RBBP8: variants seen among roughly 807,000 people sequenced by gnomAD.
RBBP8 encodes DNA endonuclease RBBP8.
Under a neutral mutation model 108.3 loss-of-function variants are expected in RBBP8, and 88 were observed. The ratio of observed to expected loss-of-function variants is 0.81; its 90% CI spans 0.68 to 0.97. RBBP8 has a LOEUF of 0.97. Ranked by LOEUF, RBBP8 falls within the 50% of genes least tolerant of loss-of-function variation. The probability of loss-of-function intolerance (pLI) is 0.00; values close to 1 mark genes in which losing one functional copy is unlikely to be tolerated. For missense variants in RBBP8, 1,023 were observed against 1,049.0 expected (o/e 0.98, Z 0.34); for synonymous variants, 332 against 348.2 (o/e 0.95, Z 0.52).
At position 22,949,630 on chromosome 18, in the gene RBBP8, A is replaced by G. The variant is rs1387789879; in HGVS notation, c.165A>G (p.Arg55=). The G allele has an allele frequency of 6.2e-7, 1 of 1,611,120 alleles. No homozygotes were observed. Among genetic ancestry groups the G allele is most frequent in the Admixed American group, 1.7e-5 (1 of 60,016 alleles). ...LKQERILDAQ[R]LEEFFTKNQQ... is the part of the protein sequence containing the mutation. ...TTTTGACCTTTAGAGATGCACAAAG[A>G]CTAGAAGAATTCTTCACCAAAAATC... is the stretch of plus-strand genomic sequence containing the variant. The change falls in exon 4 of 19, where the codon AGA becomes AGG. Residue 55 remains arginine (R), a synonymous_variant. Coordinates refer to ENST00000327155, the MANE Select transcript of RBBP8 (RefSeq NM_002894.3).
chr18:22,928,289 TA>T (rs1184026443), intron 3 of RBBP8, among the ~76,000 whole-genome samples: 2 of 151,402 alleles, frequency 1.3e-5, no homozygotes, highest in Non-Finnish European at 2.9e-5. Flanking sequence ...AACACAAAAA[TA>T]ATTACAATAT....
chr18:22,921,365 C>A (rs1238309615), intron 3 of RBBP8, among the ~76,000 whole-genome samples: 1 of 152,182 alleles, frequency 6.6e-6, no homozygotes, highest in African/African-American at 2.4e-5. Context: ...CTTCTGACTT[C>A]CATCAGTTAA....
chr18:22,937,038 C>G, intron 2 of RBBP8, 78 bp downstream of exon 2: 1 of 1,586,834 alleles, frequency 6.3e-7, no homozygotes, highest in Non-Finnish European at 8.6e-7. Context: ...TATGACAGTC[C>G]TGTTTATTAT....
rs192950559 is a variant in RBBP8 at position 22,968,123 on chromosome 18, A to G, written c.249-683A>G. ...AGTCTTGCTCTGTCCCCCAGGCTGG[A>G]GTGCAGTGGCATGATCTCAGCTCAC... On this transcript the variant is annotated intron_variant, in intron 4 of 18. Coordinates refer to ENST00000327155, the MANE Select transcript of RBBP8 (RefSeq NM_002894.3). Among the ~76,000 whole-genome samples, 800 of 150,658 alleles carry G rather than the reference A, an allele frequency of 5.3e-3. 4 individuals carry two copies. Among genetic ancestry groups the G allele is most frequent in the African/African-American group, 0.019 (772 of 40,834 alleles).
chr18:22,999,167 G>C (rs2144733350), intron 14 of RBBP8, among the ~76,000 whole-genome samples: 2 of 152,352 alleles, frequency 1.3e-5, no homozygotes, highest in South Asian at 4.1e-4. Context: ...CTAATAAAGT[G>C]CTATGGATAG....
intron 16 of RBBP8, among the ~76,000 whole-genome samples, chr18:23,012,231 A>AAAAAAAAAAAAAAAAC (rs2046180596): frequency 6.6e-6 from 1 of 150,442 alleles, no homozygotes. Context: ...AAAAAAAAAA[A>AAAAAAAAAAAAAAAAC]CCAACTATGA....
rs551219716 is a variant in RBBP8 at position 22,996,366 on chromosome 18, T to C, written c.1940-8T>C. 2 of 1,613,254 alleles carry C rather than the reference T, an allele frequency of 1.2e-6. No homozygotes were observed. Among genetic ancestry groups the C allele is most frequent in the Admixed American group, 1.7e-5 (1 of 60,010 alleles). On this transcript the variant is annotated splice_polypyrimidine_tract_variant and splice_region_variant and intron_variant, in intron 12 of 18. Coordinates refer to ENST00000327155, the MANE Select transcript of RBBP8 (RefSeq NM_002894.3). Reference sequence around the variant, plus strand: ...TTTTTAATTGCATGCTCTTTCCCTTTACCTAAGATGTATCCTTTGAAAATA... The same window carrying C: ...TTTTTAATTGCATGCTCTTTCCCTTCACCTAAGATGTATCCTTTGAAAATA...
intron 15 of RBBP8, among the ~76,000 whole-genome samples, chr18:23,006,038 T>A (rs773978541): frequency 6.6e-5 from 10 of 151,862 alleles, no homozygotes; most frequent in Non-Finnish European, 1.5e-4. Flanking sequence ...TACAAAAGAT[T>A]AGCCCGGCAT....
chr18:22,941,714 C>G (rs1911097861), intron 2 of RBBP8, among the ~76,000 whole-genome samples: 1 of 152,000 alleles, frequency 6.6e-6, no homozygotes, highest in African/African-American at 2.4e-5. Flanking sequence ...ATGTTCTAAT[C>G]ACATTCCCAC....
At chr18:22,972,330 G>T (rs1245064136) in intron 5 of RBBP8, among the ~76,000 whole-genome samples, 1 of 139,018 alleles carries the variant, frequency 7.2e-6, no homozygotes, top group African/African-American at 2.7e-5. Flanking sequence ...TTCCAGCCTC[G>T]GCGACAGAGC....
chr18:22,974,462 T>TTTTTG (rs761573143), intron 5 of RBBP8, among the ~76,000 whole-genome samples: 17 of 152,266 alleles, frequency 1.1e-4, no homozygotes, highest in South Asian at 4.2e-4. Flanking sequence ...TTTTGGTGTT[T>TTTTTG]TTTTGTTTTG....
intron 18 of RBBP8, among the ~76,000 whole-genome samples, chr18:23,022,655 A>AAAAAT (rs2046382043): frequency 1.4e-5 from 1 of 69,862 alleles, no homozygotes; most frequent in Admixed American, 1.6e-4. Flanking sequence ...ATACAATATA[A>AAAAAT]AATAAAATAA....
chr18:22,917,103 G>A (rs1193120110), intron 3 of RBBP8: 2 of 152,146 alleles, frequency 1.3e-5, no homozygotes, highest in African/African-American at 4.8e-5. Context: ...TGTGATTACA[G>A]AAAGTTGGAG....
chr18:22,985,297 G>T (rs1915245338), intron 8 of RBBP8, among the ~76,000 whole-genome samples: 1 of 152,116 alleles, frequency 6.6e-6, no homozygotes, highest in Admixed American at 6.5e-5. Flanking sequence ...CAAAGCCCTT[G>T]TCCTCATGGA....
intron 2 of RBBP8, among the ~76,000 whole-genome samples, chr18:22,944,303 C>T (rs1379351202): frequency 6.6e-6 from 1 of 152,128 alleles, no homozygotes; most frequent in Admixed American, 6.5e-5. Context: ...CCCTGTTTCC[C>T]AAGGATTTTC....
chr18:22,914,837 T>C lies in RBBP8; in HGVS notation c.-306+531T>C, dbSNP rs150388644. On this transcript the variant is annotated intron_variant, in intron 1 of 4. Coordinates refer to the RBBP8 transcript ENST00000577588. ...GTGGAATCTGGTAACTGATTAACTA[T>C]TGGAGCTCAAAAGCACTTGCTGAGC... 6.1e-3 allele frequency among the ~76,000 whole-genome samples: 929 copies of C among 152,256 alleles called. 10 individuals carry two copies. Among genetic ancestry groups the C allele is most frequent in the South Asian group, 0.028 (137 of 4,824 alleles).
chr18:22,951,436 A>T (rs1481699427), intron 4 of RBBP8, among the ~76,000 whole-genome samples: 2 of 152,246 alleles, frequency 1.3e-5, no homozygotes, highest in African/African-American at 4.8e-5. Context: ...AAATCGAATT[A>T]TGTAATTGAG....
intron 6 of RBBP8, among the ~76,000 whole-genome samples, chr18:22,978,750 A>G (rs1463136803): frequency 2.0e-5 from 3 of 152,198 alleles, no homozygotes; most frequent in African/African-American, 7.2e-5. Flanking sequence ...ACAGGAAGAG[A>G]TTAAAAAATT....
intron 18 of RBBP8, among the ~76,000 whole-genome samples, chr18:23,023,866 G>A (rs77215146): frequency 0.033 from 3,843 of 117,892 alleles, 83 homozygotes; most frequent in Non-Finnish European, 0.047. Flanking sequence ...TTTATGAAGG[G>A]GCCTTTTTTT....
Sources: gnomAD v4.1 joint callset for allele counts (sites outside exome capture counted in the v4.1 genomes callset) on GRCh38, gnomAD v4.1.1 for gene constraint, MANE v1.5 for transcripts, NCBI Gene and HGNC (gene_info 2026-07-23, HGNC 2026-07-21) for gene names.